Variants in PCDHGA3 observed in about 807,000 individuals in gnomAD.
PCDHGA3 encodes protocadherin gamma subfamily A, 3.
PCDHGA3 carries 40 observed loss-of-function variants against 58.5 expected under a neutral mutation model. That is an observed-to-expected ratio of 0.68 (90% CI 0.53 to 0.89). PCDHGA3 has a LOEUF of 0.89. PCDHGA3 is among the 40% of genes least tolerant of loss of function. The probability of loss-of-function intolerance (pLI) is 0.00; values close to 1 mark genes in which losing one functional copy is unlikely to be tolerated. For synonymous variants in PCDHGA3, 530 were observed against 525.7 expected, an observed-to-expected ratio of 1.01 and a Z score of -0.11; for missense variants, 1,223 against 1,195.9, an observed-to-expected ratio of 1.02 and a Z score of -0.33.
chr5:141,352,564 G>A (rs1356070450), intron 1 of PCDHGA3: 4 of 1,613,794 alleles, frequency 2.5e-6, no homozygotes, highest in African/African-American at 1.3e-5. Context: ...ACCTGACACC[G>A]GAAATGGCTC....
chr5:141,402,973 C>G (rs779898665), intron 1 of PCDHGA3: 1 of 1,607,926 alleles, frequency 6.2e-7, no homozygotes. Context: ...CAACCAAATG[C>G]CAGCTCCGCG....
intron 1 of PCDHGA3, among the ~76,000 whole-genome samples, chr5:141,348,670 G>T (rs1758159347): frequency 1.3e-5 from 2 of 152,042 alleles, no homozygotes; most frequent in Non-Finnish European, 2.9e-5. Flanking sequence ...CACTAAAAAG[G>T]ATTTATTTTT....
At chr5:141,420,052 C>T (rs535784301) in intron 1 of PCDHGA3, 1 of 1,614,070 alleles carries the variant, frequency 6.2e-7, no homozygotes, top group South Asian at 1.1e-5. Flanking sequence ...AGTCAGTTCT[C>T]TGCTCCAAGT....
intron 1 of PCDHGA3, among the ~76,000 whole-genome samples, chr5:141,443,297 A>G (rs1208893030): frequency 6.7e-6 from 1 of 148,196 alleles, no homozygotes; most frequent in East Asian, 2.0e-4. Context: ...CCTGGACAGC[A>G]TGGCAAAAAC....
At chr5:141,414,856 G>C (rs1269714202) in intron 1 of PCDHGA3, 2 of 1,614,216 alleles carry the variant, frequency 1.2e-6, no homozygotes, top group Non-Finnish European at 8.5e-7. Flanking sequence ...GGACCAGAAC[G>C]ACAATGCGCC....
intron 1 of PCDHGA3, chr5:141,478,247 G>A (rs1377698933): frequency 1.2e-6 from 2 of 1,614,074 alleles, no homozygotes; most frequent in Admixed American, 3.3e-5. Context: ...CACAGTGTTC[G>A]GAGTAATCAT....
intron 1 of PCDHGA3, among the ~76,000 whole-genome samples, chr5:141,346,832 G>A (rs1757814277): frequency 2.0e-5 from 3 of 152,176 alleles, no homozygotes; most frequent in Admixed American, 2.0e-4. Context: ...TGATAAATAG[G>A]CCTTTTTCAT....
At chr5:141,376,920 C>G (rs527270477) in intron 1 of PCDHGA3, 1 of 173,352 alleles carries the variant, frequency 5.8e-6, no homozygotes, top group Non-Finnish European at 1.2e-5. Flanking sequence ...ATCTCCTGAC[C>G]TCATGATCCA....
intron 1 of PCDHGA3, chr5:141,399,551 T>C: frequency 6.2e-7 from 1 of 1,614,052 alleles, no homozygotes; most frequent in Non-Finnish European, 8.5e-7. Context: ...GCCTCGGACC[T>C]GGACTTGGGG....
In PCDHGA3 at chr5:141,505,471, G is replaced by A. The variant is rs766596231; in HGVS notation, c.2562G>A (p.Ala854=). The A allele has an allele frequency of 3.4e-5, 55 of 1,614,244 alleles. No individual in the cohort carries two copies. The highest frequency in any genetic ancestry group is 1.1e-4 in the East Asian group (5 of 44,880). ...AGATGCTGCAAGCCATGATCTTGGCGTCCGCCAGTGGTAAGTGGTGTCAGT... is the reference window on the plus strand; with the variant it reads ...AGATGCTGCAAGCCATGATCTTGGCATCCGCCAGTGGTAAGTGGTGTCAGT... ...DTEMLQAMIL[A]SASEAADGSS... Residue 854 remains alanine (A), a synonymous_variant, in exon 3 of 4, where the codon GCG becomes GCA. Coordinates refer to ENST00000253812, the MANE Select transcript of PCDHGA3 (RefSeq NM_018916.4).
chr5:141,408,316 G>A (rs1407149479), intron 1 of PCDHGA3: 3 of 1,613,750 alleles, frequency 1.9e-6, no homozygotes, highest in African/African-American at 1.3e-5. Context: ...ACTCGATTCC[G>A]GAGGAGCTGG....
intron 1 of PCDHGA3, chr5:141,405,200 C>T (rs1458944760): frequency 2.5e-6 from 4 of 1,613,508 alleles, no homozygotes; most frequent in Non-Finnish European, 3.4e-6. Flanking sequence ...TCGAGCTTTC[C>T]TACAGACCTA....
chr5:141,400,167 C>A, intron 1 of PCDHGA3: 1 of 1,614,082 alleles, frequency 6.2e-7, no homozygotes, highest in Non-Finnish European at 8.5e-7. Flanking sequence ...CCTCTGACCC[C>A]CAGGCTGAGC....
At chr5:141,410,182 T>G in intron 1 of PCDHGA3, 1 of 1,613,868 alleles carries the variant, frequency 6.2e-7, no homozygotes, top group Non-Finnish European at 8.5e-7. Flanking sequence ...CCGCCACGCT[T>G]CATCTGGTCT....
chr5:141,372,879 G>T (rs1269761634), intron 1 of PCDHGA3: 2 of 1,265,292 alleles, frequency 1.6e-6, no homozygotes, highest in Admixed American at 2.7e-5. Context: ...GAGATAAAAA[G>T]AATACAGATT....
chr5:141,490,476 G>A lies in PCDHGA3; in HGVS notation c.2425-4331G>A. 1 of 1,614,208 alleles carries A rather than the reference G, an allele frequency of 6.2e-7. No homozygotes were observed. The highest frequency in any genetic ancestry group is 8.5e-7 in the Non-Finnish European group (1 of 1,180,046). On this transcript the variant is annotated intron_variant, in intron 1 of 3. Transcript: ENST00000253812. The surrounding 1 kb of genome is among the most constrained non-coding windows in gnomAD (Gnocchi z 5.4). ...ACTCGCTGCTAACCAGCCAGCCTTT[G>A]GACCGGGAGGCCACATCCCACTATA...
chr5:141,419,980 G>T lies in PCDHGA3; in HGVS notation c.2424+73523G>T, dbSNP rs182372807. 1.1e-4 allele frequency: 180 copies of T among 1,614,080 alleles called. No individual in the cohort carries two copies. The East Asian group carries it at 1.1e-3, about 10-fold the overall frequency. On this transcript the variant is annotated intron_variant, in intron 1 of 3. Transcript: ENST00000253812. ...TTTCTGTGCTCTTTCTCCTCGCGGTGATTCTAGCTATTGCTCTACGCCTGC... is the reference window on the plus strand; with the variant it reads ...TTTCTGTGCTCTTTCTCCTCGCGGTTATTCTAGCTATTGCTCTACGCCTGC...
intron 1 of PCDHGA3, chr5:141,423,320 T>C: frequency 6.2e-7 from 1 of 1,614,148 alleles, no homozygotes; most frequent in Non-Finnish European, 8.5e-7. Flanking sequence ...GTGGTGGCGG[T>C]GGCCGCAGTC....
Position 141,345,321 on chromosome 5 carries a change from C to G in PCDHGA3, c.1288C>G (p.Pro430Ala), listed in dbSNP as rs200111367. ...TCTGAGAGCCTCAGATGGGGGAAGCCCGCCACTGTCCACAGAAACTCACAT... is the reference window on the plus strand; with the variant it reads ...TCTGAGAGCCTCAGATGGGGGAAGCGCGCCACTGTCCACAGAAACTCACAT... ...ISLRASDGGS[P>A]PLSTETHITL... The change falls in exon 1 of 4, where the codon CCG becomes GCG. Residue 430 changes from proline to alanine, a missense_variant. Around this residue, in one of 3 missense-constraint regions of PCDHGA3, gnomAD observed 791 missense variants for 708.5 expected, o/e 1.12. Transcript: ENST00000253812. 8.8e-4 allele frequency: 1,418 copies of G among 1,613,972 alleles called. 4 individuals carry two copies. Among genetic ancestry groups the G allele is most frequent in the Middle Eastern group, 3.3e-3 (20 of 6,062 alleles).
Sources: allele counts gnomAD v4.1 joint callset (sites outside exome capture counted in the v4.1 genomes callset), GRCh38; gene constraint gnomAD v4.1.1; regional missense constraint gnomAD v4.1.1; non-coding constraint Gnocchi (gnomAD v3.1); transcripts MANE v1.5; gene names NCBI Gene and HGNC (gene_info 2026-07-23, HGNC 2026-07-21).